KCNIP3: variants seen among roughly 807,000 people sequenced by gnomAD.
The protein encoded by KCNIP3 is potassium voltage-gated channel interacting protein 3.
Under a neutral mutation model 35.0 loss-of-function variants are expected in KCNIP3, and 28 were observed. The ratio of observed to expected loss-of-function variants is 0.80; its 90% CI spans 0.59 to 1.10. The LOEUF (loss-of-function observed/expected upper bound fraction) is 1.10, where lower values mean the gene tolerates loss of function less well. KCNIP3 is among the 50% of genes least tolerant of loss of function. KCNIP3 has a pLI of 0.00. For synonymous variants in KCNIP3, 134 were observed against 133.8 expected, an observed-to-expected ratio of 1.00 and a Z score of -0.01; for missense variants, 295 against 338.4, an observed-to-expected ratio of 0.87 and a Z score of 1.01.
chr2:95,308,524 G>A (rs1453013645), intron 1 of KCNIP3, among the ~76,000 whole-genome samples: 2 of 152,220 alleles, frequency 1.3e-5, no homozygotes, highest in African/African-American at 4.8e-5. Flanking sequence ...CCATGAGCCA[G>A]TGAAGCACCC....
chr2:95,383,362 G>A lies in KCNIP3; in HGVS notation c.723+68G>A, dbSNP rs1484216187. ...TACACGGAGGTGGGTGGTTGGCAGC[G>A]TCTGCCCCTTCCCTCACCCCAGTCC... On this transcript the variant is annotated intron_variant, in intron 8 of 8. Coordinates refer to ENST00000295225, the MANE Select transcript of KCNIP3 (RefSeq NM_013434.5). The A allele has an allele frequency of 1.9e-5, 28 of 1,496,806 alleles. No individual in the cohort carries two copies. In the East Asian group the frequency reaches 3.3e-4, roughly 18 times the overall value. The allele number at this position is 1,496,806 out of a possible 1,614,324, so 92.7% of individuals were successfully genotyped here. A position where few individuals can be genotyped will look rare whatever the true frequency, so the allele number is the denominator to read the frequency against.
At chr2:95,307,103 G>A (rs1295083613) in intron 1 of KCNIP3, among the ~76,000 whole-genome samples, 2 of 152,174 alleles carry the variant, frequency 1.3e-5, no homozygotes, top group Admixed American at 6.5e-5. Context: ...CACAAAGAGG[G>A]GTGCCCATCA....
chr2:95,357,944 G>T (rs1219976741), intron 2 of KCNIP3, among the ~76,000 whole-genome samples: 1 of 152,220 alleles, frequency 6.6e-6, no homozygotes, highest in South Asian at 2.1e-4. Flanking sequence ...TCACACAGGG[G>T]CATGAATGTG....
At chr2:95,329,974 C>T (rs986762928) in intron 2 of KCNIP3, among the ~76,000 whole-genome samples, 2 of 152,244 alleles carry the variant, frequency 1.3e-5, no homozygotes, top group African/African-American at 2.4e-5. Context: ...CCGGAGGCCC[C>T]TCTCCCCATT....
At position 95,310,338 on chromosome 2, in the gene KCNIP3, G is replaced by T. The variant is rs1271969835; in HGVS notation, c.16-17G>T. 1 of 1,612,122 alleles carries T rather than the reference G, an allele frequency of 6.2e-7. No individual in the cohort carries two copies. The highest frequency in any genetic ancestry group is 8.5e-7 in the Non-Finnish European group (1 of 1,178,678). ...CTGAGCAGGGGCTCAGGGCTGCTCT[G>T]CCTGTTCCTACTGCAGGAAGTGACA... On this transcript the variant is annotated splice_polypyrimidine_tract_variant and intron_variant, in intron 1 of 8. Coordinates refer to ENST00000295225, the MANE Select transcript of KCNIP3 (RefSeq NM_013434.5).
chr2:95,365,517 C>T (rs909660259), intron 2 of KCNIP3, among the ~76,000 whole-genome samples: 8 of 152,072 alleles, frequency 5.3e-5, no homozygotes, highest in Admixed American at 4.6e-4. Context: ...AGATCATCCA[C>T]GATCCTTGTA....
intron 1 of KCNIP3, among the ~76,000 whole-genome samples, chr2:95,304,149 C>T (rs1348275613): frequency 1.3e-5 from 2 of 152,324 alleles, no homozygotes; most frequent in South Asian, 2.1e-4. Context: ...CAGCCTCAGC[C>T]ACAGAGAGAA....
intron 2 of KCNIP3, chr2:95,313,690 C>T (rs983932339): frequency 6.6e-6 from 1 of 152,176 alleles, no homozygotes; most frequent in Non-Finnish European, 1.5e-5. Flanking sequence ...ATAATAATGT[C>T]ACCCACAAAT....
intron 2 of KCNIP3, chr2:95,368,529 T>A (rs1303451317): frequency 6.1e-6 from 2 of 328,072 alleles, no homozygotes; most frequent in Non-Finnish European, 1.2e-5. Flanking sequence ...CCTATGGAAA[T>A]AAAAAAAAAT....
intron 2 of KCNIP3, among the ~76,000 whole-genome samples, chr2:95,316,125 C>A (rs971319918): frequency 1.3e-5 from 2 of 152,246 alleles, no homozygotes; most frequent in African/African-American, 4.8e-5. Flanking sequence ...CAAGAGACCA[C>A]AGATTTCCCC....
intron 1 of KCNIP3, chr2:95,299,258 C>T (rs542800610): frequency 6.6e-6 from 1 of 152,386 alleles, no homozygotes; most frequent in East Asian, 1.9e-4. Context: ...GGACCCACAC[C>T]TCCTGGTGCT....
intron 2 of KCNIP3, among the ~76,000 whole-genome samples, chr2:95,358,680 G>A (rs2104282789): frequency 6.6e-6 from 1 of 152,362 alleles, no homozygotes; most frequent in South Asian, 2.1e-4. Context: ...CTCTTGCTGT[G>A]TCATAACATG....
chr2:95,336,101 G>A (rs1226383820), intron 2 of KCNIP3, among the ~76,000 whole-genome samples: 2 of 152,132 alleles, frequency 1.3e-5, no homozygotes, highest in Non-Finnish European at 1.5e-5. Context: ...TCTTTTGCAG[G>A]TCACCCATGT....
intron 2 of KCNIP3, among the ~76,000 whole-genome samples, chr2:95,328,023 A>G (rs752673669): frequency 2.0e-5 from 3 of 152,242 alleles, no homozygotes; most frequent in Non-Finnish European, 4.4e-5. Flanking sequence ...TGTACTGGAA[A>G]GAGCTGGGGC....
intron 2 of KCNIP3, chr2:95,355,154 C>G (rs929089683): frequency 2.0e-5 from 3 of 152,154 alleles, no homozygotes; most frequent in Non-Finnish European, 4.4e-5. Context: ...TGGGGACCAC[C>G]GGAGATGGTT....
chr2:95,325,722 T>C (rs1209612222), intron 2 of KCNIP3, among the ~76,000 whole-genome samples: 1 of 146,608 alleles, frequency 6.8e-6, no homozygotes, highest in Non-Finnish European at 1.5e-5. Context: ...GTCATACACT[T>C]ATACACATAC....
rs529243625 is a variant in KCNIP3, at chr2:95,304,699, G to A, written c.16-5656G>A. ...GCTTTGGGTAATTTTGAGGTTCTAA[G>A]GAACCTCAAAAAGTTGGTGTGACCA... is the stretch of plus-strand genomic sequence containing the variant. On this transcript the variant is annotated intron_variant, in intron 1 of 8. Transcript: ENST00000295225. Among the ~76,000 whole-genome samples, 281 of 152,278 alleles carry A rather than the reference G, an allele frequency of 1.8e-3. 2 individuals carry two copies. The highest frequency in any genetic ancestry group is 6.6e-3 in the African/African-American group (273 of 41,554).
chr2:95,310,573 G>C, intron 2 of KCNIP3, 53 bp downstream of exon 2: 3 of 1,604,524 alleles, frequency 1.9e-6, no homozygotes, highest in Non-Finnish European at 2.6e-6. Flanking sequence ...GATCTGTTCT[G>C]AGCACTGTCC....
intron 1 of KCNIP3, among the ~76,000 whole-genome samples, chr2:95,298,515 G>C (rs988662232): frequency 6.6e-6 from 1 of 152,162 alleles, no homozygotes; most frequent in African/African-American, 2.4e-5. Flanking sequence ...CTTGAATGTA[G>C]GAAAGAAGGG....
Sources: allele counts gnomAD v4.1 joint callset (sites outside exome capture counted in the v4.1 genomes callset), GRCh38; gene constraint gnomAD v4.1.1; transcripts MANE v1.5; gene names NCBI Gene and HGNC (gene_info 2026-07-23, HGNC 2026-07-21).